ATP10B: variants seen among roughly 807,000 people sequenced by gnomAD.
The protein encoded by ATP10B is ATPase phospholipid transporting 10B (putative), also known as phospholipid-transporting ATPase VB.
Under a neutral mutation model 141.2 loss-of-function variants are expected in ATP10B, and 122 were observed. The observed-to-expected ratio is 0.86, with a 90% CI of 0.75 to 1.00. The LOEUF is 1.00. Ranked by LOEUF, ATP10B falls within the 50% of genes least tolerant of loss-of-function variation. The pLI is 0.00. For missense variants in ATP10B, 1,876 were observed against 1,825.3 expected (o/e 1.03, Z -0.51); for synonymous variants, 685 against 692.0 (o/e 0.99, Z 0.16).
At chr5:160,596,087 C>G (rs1211216534) in intron 22 of ATP10B, among the ~76,000 whole-genome samples, 1 of 151,072 alleles carries the variant, frequency 6.6e-6, no homozygotes, top group East Asian at 1.9e-4. Flanking sequence ...GAGACACAAC[C>G]AAAAAAGAGA....
At chr5:160,861,587 G>C in the ATP10B span, among the ~76,000 whole-genome samples, 1 of 151,880 alleles carries the variant, frequency 6.6e-6, no homozygotes, top group Admixed American at 6.6e-5. Flanking sequence ...TATTCGTAAA[G>C]TATGGAAAAG....
In ATP10B at chr5:160,598,956, C is replaced by T; in HGVS notation, c.3378G>A (p.Leu1126=). 6 of 1,614,042 alleles carry T rather than the reference C, an allele frequency of 3.7e-6. No individual in the cohort carries two copies. Among genetic ancestry groups the T allele is most frequent in the Non-Finnish European group, 5.1e-6 (6 of 1,179,968 alleles). Residue 1126 remains leucine (L), a synonymous_variant, in exon 22 of 26, where the codon CTG becomes CTA. Coordinates refer to ENST00000327245, the MANE Select transcript of ATP10B (RefSeq NM_025153.3). The stretch of plus-strand genomic sequence containing the variant: ...CACAGAAGAACTGATACCAGAAGAG[C>T]AGGTTGACGTAGCACTGCAGGCAGA... ...YLYKNVCYVN[L]LFWYQFFCGF...
At chr5:160,642,143 C>A (rs1759914333) in intron 9 of ATP10B, among the ~76,000 whole-genome samples, 1 of 152,116 alleles carries the variant, frequency 6.6e-6, no homozygotes, top group African/African-American at 2.4e-5. Context: ...GGATACTTGA[C>A]CTTGGGTTGC....
intron 2 of ATP10B, among the ~76,000 whole-genome samples, chr5:160,767,628 G>A (rs1161466118): frequency 1.8e-5 from 2 of 109,062 alleles, no homozygotes; most frequent in East Asian, 3.4e-4. Flanking sequence ...AGGGTCATGT[G>A]TGCAGAACCC....
At chr5:160,919,331 T>C in the ATP10B span, among the ~76,000 whole-genome samples, 10 of 151,330 alleles carry the variant, frequency 6.6e-5, no homozygotes, top group African/African-American at 9.7e-5. Context: ...CTGGGGCATC[T>C]GCTTTGTACT....
chr5:160,886,657 T>C, the ATP10B span, among the ~76,000 whole-genome samples: 3 of 152,190 alleles, frequency 2.0e-5, no homozygotes, highest in African/African-American at 7.2e-5. Context: ...CCAACAAATC[T>C]AGGGAAGAAT....
At chr5:160,573,269 G>A (rs1044377546) in intron 24 of ATP10B, among the ~76,000 whole-genome samples, 5 of 152,212 alleles carry the variant, frequency 3.3e-5, no homozygotes, top group African/African-American at 1.2e-4. Flanking sequence ...TGTCCAGGAA[G>A]GAAGAGGGCC....
At chr5:160,863,469 G>A in the ATP10B span, among the ~76,000 whole-genome samples, 1 of 151,986 alleles carries the variant, frequency 6.6e-6, no homozygotes, top group Admixed American at 6.6e-5. Flanking sequence ...GCTGCGTTAA[G>A]AGGAAAGTTC....
chr5:160,666,101 T>A (rs1762302623), intron 7 of ATP10B, among the ~76,000 whole-genome samples: 1 of 152,116 alleles, frequency 6.6e-6, no homozygotes, highest in Non-Finnish European at 1.5e-5. Context: ...TAGTATATAG[T>A]AAAAAGTACC....
the ATP10B span, among the ~76,000 whole-genome samples, chr5:160,858,926 CAT>C: frequency 1.3e-5 from 2 of 151,772 alleles, no homozygotes; most frequent in African/African-American, 4.8e-5. Flanking sequence ...TGAAACGTGT[CAT>C]AATTTTTACT....
At chr5:160,912,752 T>C in the ATP10B span, among the ~76,000 whole-genome samples, 7 of 151,410 alleles carry the variant, frequency 4.6e-5, no homozygotes. Flanking sequence ...GAAAGAAAGA[T>C]AGTTAAATTA....
chr5:160,797,144 C>G (rs1772003265), intron 1 of ATP10B, among the ~76,000 whole-genome samples: 1 of 152,122 alleles, frequency 6.6e-6, no homozygotes, highest in Admixed American at 6.5e-5. Context: ...GAACCCCTGG[C>G]TGGGAAAGGC....
rs571810290 is a variant in ATP10B at position 160,675,106 on chromosome 5, C to T, written c.471-4439G>A. Reference sequence around the variant, plus strand: ...CAGCATGCTCTTGCATGGAGTGAAGCCCAGGGGAGACCAGCAGCTGGCCAG... The same window carrying T: ...CAGCATGCTCTTGCATGGAGTGAAGTCCAGGGGAGACCAGCAGCTGGCCAG... On this transcript the variant is annotated intron_variant, in intron 6 of 25. Coordinates refer to ENST00000327245, the MANE Select transcript of ATP10B (RefSeq NM_025153.3). Among the ~76,000 whole-genome samples the T allele has an allele frequency of 2.0e-5, 3 of 152,240 alleles. No individual in the cohort carries two copies. In the East Asian group the frequency reaches 5.8e-4, roughly 29 times the overall value.
intron 1 of ATP10B, among the ~76,000 whole-genome samples, chr5:160,828,757 C>G (rs377428207): frequency 4.0e-5 from 6 of 151,840 alleles, no homozygotes; most frequent in African/African-American, 7.2e-5. Flanking sequence ...CACATGCACA[C>G]GTATGTTTAT....
intron 1 of ATP10B, among the ~76,000 whole-genome samples, chr5:160,797,410 T>C (rs560379730): frequency 1.4e-4 from 21 of 152,334 alleles, no homozygotes; most frequent in Admixed American, 7.8e-4. Flanking sequence ...CTAAATTGTT[T>C]ATTGTGAGTT....
chr5:160,653,165 T>C (rs1761033666), intron 7 of ATP10B, among the ~76,000 whole-genome samples: 2 of 127,660 alleles, frequency 1.6e-5, no homozygotes, highest in South Asian at 2.2e-4. Context: ...ACATAATATA[T>C]ATTATATATA....
At position 160,706,268 on chromosome 5, in the gene ATP10B, T is replaced by C. The variant is rs184340613; in HGVS notation, c.-205+10641A>G. On this transcript the variant is annotated intron_variant, in intron 3 of 25. Coordinates refer to ENST00000327245, the MANE Select transcript of ATP10B (RefSeq NM_025153.3). Reference sequence around the variant, plus strand: ...CATGCTGTTGGAAAAATCATGGTGGTGTTCTTGCTTGATGCAGGGTTGCTG... The same window carrying C: ...CATGCTGTTGGAAAAATCATGGTGGCGTTCTTGCTTGATGCAGGGTTGCTG... Among the ~76,000 whole-genome samples, 24 of 152,352 alleles carry C rather than the reference T, an allele frequency of 1.6e-4. No homozygotes were observed. The East Asian group carries it at 3.7e-3, about 23-fold the overall frequency.
rs763627662 is a variant in ATP10B, at chr5:160,649,160, G to A, written c.761+11C>T. The A allele has an allele frequency of 1.6e-5, 26 of 1,589,468 alleles. No homozygotes were observed. Among genetic ancestry groups the A allele is most frequent in the Middle Eastern group, 1.7e-4 (1 of 6,018 alleles). On this transcript the variant is annotated intron_variant, in intron 8 of 25. Transcript: ENST00000327245. ...GATATTTACTAGCAGCATGGGACAT[G>A]AGATACTTACATATAACCCTTAAAT... is the stretch of plus-strand genomic sequence containing the variant.
chr5:160,869,622 A>G, the ATP10B span, among the ~76,000 whole-genome samples: 6 of 152,148 alleles, frequency 3.9e-5, no homozygotes, highest in Non-Finnish European at 7.3e-5. Flanking sequence ...TGAAAAATCA[A>G]CTCTTCTTGT....
Sources: gnomAD v4.1 joint callset for allele counts (sites outside exome capture counted in the v4.1 genomes callset) on GRCh38, gnomAD v4.1.1 for gene constraint, MANE v1.5 for transcripts, NCBI Gene and HGNC (gene_info 2026-07-23, HGNC 2026-07-21) for gene names.